Variants in ABI1 observed in about 807,000 individuals in gnomAD.
ABI1 encodes the protein Abelson interactor 1.
A neutral mutation model predicts 54.6 loss-of-function variants in ABI1; 14 were observed. The ratio of observed to expected loss-of-function variants is 0.26; its 90% confidence interval spans 0.17 to 0.40. The LOEUF (loss-of-function observed/expected upper bound fraction) is 0.40. Ranked by LOEUF, ABI1 falls within the 10% of genes least tolerant of loss-of-function variation. The pLI, the probability that ABI1 is intolerant of heterozygous loss-of-function variation, is 1.00. For synonymous variants in ABI1, 194 were observed against 209.3 expected, an observed-to-expected ratio of 0.93 and a Z score of 0.63; for missense variants, 443 against 598.3, an observed-to-expected ratio of 0.74 and a Z score of 2.71.
chr10:26,829,443 T>G, intron 1 of ABI1, among the ~76,000 whole-genome samples: 1 of 152,144 alleles, frequency 6.6e-6, no homozygotes, highest in Admixed American at 6.5e-5. Context: ...ATTGTATACT[T>G]GAAAATTGCT....
Position 26,768,970 on chromosome 10 carries a change from G to C in ABI1, c.601C>G (p.Leu201Val). The C allele has an allele frequency of 6.2e-7, 1 of 1,612,024 alleles. No individual in the cohort carries two copies. The highest frequency in any genetic ancestry group is 8.5e-7 in the Non-Finnish European group (1 of 1,178,784). Reference sequence around the variant, plus strand: ...ACTGTTGGGGGTTTAACAGGTTCCAGGGTTTTATAAGGAGTATTCCGTCTA... The same window carrying C: ...ACTGTTGGGGGTTTAACAGGTTCCACGGTTTTATAAGGAGTATTCCGTCTA... ...TLGRNTPYKT[L>V]EPVKPPTVPN... is the part of the protein sequence containing the mutation. Residue 201 changes from leucine to valine, a missense_variant, in exon 6 of 11, where the codon CTG (leucine) becomes GTG (valine). This residue lies in a region of ABI1 where 394 missense variants were observed against 484.8 expected (regional missense o/e 0.81). Transcript: ENST00000376140.
At chr10:26,852,561 A>C (rs921408812) in intron 1 of ABI1, among the ~76,000 whole-genome samples, 1 of 152,220 alleles carries the variant, frequency 6.6e-6, no homozygotes, top group Admixed American at 6.5e-5. Context: ...ATCTTTTTCT[A>C]TATGATATAA....
At chr10:26,855,829 G>A (rs187520970) in intron 1 of ABI1, among the ~76,000 whole-genome samples, 5 of 152,066 alleles carry the variant, frequency 3.3e-5, no homozygotes, top group Admixed American at 2.6e-4. Flanking sequence ...AAATTAGCCA[G>A]GCATGGTGGT....
rs984982658 is a variant in ABI1, at chr10:26,768,042, T to C, written c.719+810A>G. ...GCCTGGGTGACAGAGCTAGACTCCA[T>C]CTCCAAAAAGATAATAATAATATTA... On this transcript the variant is annotated intron_variant, in intron 6 of 10. Coordinates refer to ENST00000376140, the MANE Select transcript of ABI1 (RefSeq NM_001012750.3). 2.6e-5 allele frequency among the ~76,000 whole-genome samples: 4 copies of C among 151,252 alleles called. 1 individual carries two copies. The East Asian group carries it at 5.9e-4, about 22-fold the overall frequency.
intron 1 of ABI1, among the ~76,000 whole-genome samples, chr10:26,841,828 T>C (rs2049535904): frequency 1.3e-5 from 2 of 152,174 alleles, no homozygotes; most frequent in African/African-American, 4.8e-5. Context: ...TCTTTATCCA[T>C]TCATCTATCA....
intron 2 of ABI1, among the ~76,000 whole-genome samples, chr10:26,794,174 CAG>C (rs1160376740): frequency 1.3e-5 from 2 of 152,084 alleles, no homozygotes; most frequent in African/African-American, 4.8e-5. Context: ...ACCCAGGATG[CAG>C]AGGTTGCATT....
chr10:26,834,192 T>C (rs1244167476), intron 1 of ABI1, among the ~76,000 whole-genome samples: 1 of 152,110 alleles, frequency 6.6e-6, no homozygotes, highest in Non-Finnish European at 1.5e-5. Context: ...ACCACGCCAC[T>C]GCACTCCAGC....
intron 1 of ABI1, among the ~76,000 whole-genome samples, chr10:26,855,458 A>G (rs990913333): frequency 2.6e-5 from 4 of 152,218 alleles, no homozygotes; most frequent in Admixed American, 2.6e-4. Flanking sequence ...TACTAACTCT[A>G]TGACTAAACA....
chr10:26,858,253 C>T (rs1397459198), intron 1 of ABI1, among the ~76,000 whole-genome samples: 6 of 151,962 alleles, frequency 3.9e-5, no homozygotes, highest in Admixed American at 3.9e-4. Flanking sequence ...CAACAGACAC[C>T]CTAATGGATA....
chr10:26,811,613 C>G (rs2047231235), intron 2 of ABI1, among the ~76,000 whole-genome samples: 1 of 152,028 alleles, frequency 6.6e-6, no homozygotes, highest in African/African-American at 2.4e-5. Flanking sequence ...TGGCAGGAAA[C>G]TTGAGAAATT....
At position 26,771,166 on chromosome 10, in the gene ABI1, C is replaced by T. The variant is rs948005170; in HGVS notation, c.463-77G>A. The T allele has an allele frequency of 9.6e-6, 14 of 1,465,046 alleles. No individual in the cohort carries two copies. The African/African-American group carries it at 1.3e-4, about 13-fold the overall frequency. 90.8% of individuals were successfully genotyped at this position (1,465,046 alleles called of 1,614,324 possible). Reference sequence around the variant, plus strand: ...AGTTATATCCGATAGGACAGGTTTACATTTACAGTTACTCAATTCATGTTA... The same window carrying T: ...AGTTATATCCGATAGGACAGGTTTATATTTACAGTTACTCAATTCATGTTA... On this transcript the variant is annotated intron_variant, in intron 3 of 10. Coordinates refer to ENST00000376140, the MANE Select transcript of ABI1 (RefSeq NM_001012750.3).
At chr10:26,828,715 T>C (rs1242740673) in intron 1 of ABI1, among the ~76,000 whole-genome samples, 2 of 152,156 alleles carry the variant, frequency 1.3e-5, no homozygotes, top group Non-Finnish European at 2.9e-5. Flanking sequence ...ATAAAAGTAA[T>C]TGAAAGAGGG....
intron 3 of ABI1, among the ~76,000 whole-genome samples, chr10:26,771,760 G>GAAGTTCTAAGTAGCTT (rs1249550453): frequency 8.6e-5 from 13 of 152,044 alleles, no homozygotes; most frequent in African/African-American, 3.1e-4. Flanking sequence ...ACACTAATAG[G>GAAGTTCTAAGTAGCTT]AAGTTCTAAG....
At chr10:26,758,172 G>T (rs1238959404) in intron 8 of ABI1, among the ~76,000 whole-genome samples, 3 of 149,994 alleles carry the variant, frequency 2.0e-5, no homozygotes, top group African/African-American at 7.4e-5. Context: ...AACCTCCTAT[G>T]TAAATATGGA....
At chr10:26,815,441 T>C (rs560555202) in intron 2 of ABI1, among the ~76,000 whole-genome samples, 135 of 152,310 alleles carry the variant, frequency 8.9e-4, no homozygotes, top group African/African-American at 2.8e-3. Flanking sequence ...TTGAATTCAG[T>C]AAGCTCAGCA....
At chr10:26,750,472 A>C (rs1216931656) in intron 10 of ABI1, among the ~76,000 whole-genome samples, 3 of 152,102 alleles carry the variant, frequency 2.0e-5, no homozygotes, top group African/African-American at 7.2e-5. Flanking sequence ...CCAGCCTGGG[A>C]GACAGAGCAA....
chr10:26,804,685 G>A (rs753853482), intron 2 of ABI1, among the ~76,000 whole-genome samples: 1 of 152,036 alleles, frequency 6.6e-6, no homozygotes, highest in Non-Finnish European at 1.5e-5. Context: ...AATCTCCAAG[G>A]TTAGCACTAT....
intron 2 of ABI1, among the ~76,000 whole-genome samples, chr10:26,816,268 T>C (rs779429222): frequency 6.6e-6 from 1 of 152,204 alleles, no homozygotes; most frequent in Non-Finnish European, 1.5e-5. Flanking sequence ...TCGAATTGAA[T>C]GTAAATGGGA....
chr10:26,820,841 C>G (rs1400477885), intron 2 of ABI1, among the ~76,000 whole-genome samples: 1 of 151,894 alleles, frequency 6.6e-6, no homozygotes, highest in East Asian at 1.9e-4. Flanking sequence ...CCACCTCGGC[C>G]TCCCAATAAT....
Sources: gnomAD v4.1 joint callset for allele counts (sites outside exome capture counted in the v4.1 genomes callset) on GRCh38, gnomAD v4.1.1 for gene constraint, gnomAD v4.1.1 regional missense constraint, MANE v1.5 for transcripts, NCBI Gene and HGNC (gene_info 2026-07-23, HGNC 2026-07-21) for gene names.